Variants in KIF2C observed in about 807,000 individuals in gnomAD.
KIF2C encodes the protein kinesin-like protein KIF2C.
In KIF2C, 34 loss-of-function variants were observed where a neutral mutation model predicts 97.4. The ratio of observed to expected loss-of-function variants is 0.35; its 90% CI spans 0.27 to 0.46. KIF2C has a LOEUF of 0.46. Ranked by LOEUF, KIF2C falls within the 20% of genes least tolerant of loss-of-function variation. KIF2C has a pLI of 1.00. For missense variants in KIF2C, 750 were observed against 907.6 expected, an observed-to-expected ratio of 0.83 and a Z score of 2.23; for synonymous variants, 313 against 318.2, an observed-to-expected ratio of 0.98 and a Z score of 0.17.
At chr1:44,757,820 T>C in intron 11 of KIF2C, 88 bp from the exon 12 acceptor site, 7 of 1,385,050 alleles carry the variant, frequency 5.1e-6, no homozygotes, top group Non-Finnish European at 6.2e-6. Context: ...TCTGGCTTTG[T>C]TGTGGCCCAC....
intron 13 of KIF2C, among the ~76,000 whole-genome samples, chr1:44,758,863 C>T (rs925781430): frequency 1.3e-5 from 2 of 152,070 alleles, no homozygotes; most frequent in Non-Finnish European, 1.5e-5. Flanking sequence ...GCGATACGAG[C>T]GAAACTCCGT....
chr1:44,757,537 T>C lies in KIF2C; in HGVS notation c.978-19T>C, dbSNP rs572818157. 1.3e-6 allele frequency: 2 copies of C among 1,529,206 alleles called. No homozygotes were observed. The highest frequency in any genetic ancestry group is 1.4e-5 in the African/African-American group (1 of 73,220). 94.7% of individuals were successfully genotyped at this position (1,529,206 alleles called of 1,614,324 possible). A position where few individuals can be genotyped will look rare whatever the true frequency, so the allele number is the denominator to read the frequency against. Reference sequence around the variant, plus strand: ...AGCACAGTTTGGGAACAGATACAAATACTCTACCCCTCTTCTAGGTTCACA... The same window carrying C: ...AGCACAGTTTGGGAACAGATACAAACACTCTACCCCTCTTCTAGGTTCACA... On this transcript the variant is annotated intron_variant, in intron 10 of 20. Transcript: ENST00000372224.
At chr1:44,754,659 G>A in intron 7 of KIF2C, 91 bp from the exon 8 acceptor site, 1 of 811,614 alleles carries the variant, frequency 1.2e-6, no homozygotes, top group South Asian at 1.3e-5. Context: ...ATGAAGGGTG[G>A]TGAGCAAAGA....
intron 9 of KIF2C, 40 bp downstream of exon 9, chr1:44,756,023 A>G (rs372447403): frequency 6.2e-7 from 1 of 1,613,922 alleles, no homozygotes; most frequent in Non-Finnish European, 8.5e-7. Flanking sequence ...CAGACTGACT[A>G]ATGGGCCTTC....
In KIF2C at chr1:44,747,613, T is replaced by TA. The variant is rs1649280601; in HGVS notation, c.268-37dup. ...CCCAGGATGGGCCCTTGAGAATTGA[T>TA]AAGAGCCATATATTGTGACAATTTG... On this transcript the variant is annotated intron_variant, in intron 3 of 20. Transcript: ENST00000372224. 2.5e-6 allele frequency: 4 copies of TA among 1,605,954 alleles called. No individual in the cohort carries two copies. In the South Asian group the frequency reaches 3.3e-5, roughly 13 times the overall value.
In KIF2C at chr1:44,759,216, T is replaced by C; in HGVS notation, c.1235T>C (p.Leu412Pro). Residue 412 changes from leucine to proline, a missense_variant, in exon 14 of 21, where the codon CTG becomes CCG. Physicochemically the swap from Leu to Pro is moderately conservative, Grantham distance 98. Coordinates refer to ENST00000372224, the MANE Select transcript of KIF2C (RefSeq NM_006845.4). ...CCCTGCCTGGCACAGCTGTTTGACCTGCTCAACAAGAAGGCCAAGCTGCGC... is the reference window on the plus strand; with the variant it reads ...CCCTGCCTGGCACAGCTGTTTGACCCGCTCAACAAGAAGGCCAAGCTGCGC... ...FEIYNGKLFD[L>P]LNKKAKLRVL... 6.2e-7 allele frequency: 1 copy of C among 1,614,082 alleles called. No homozygotes were observed. Among genetic ancestry groups the C allele is most frequent in the Non-Finnish European group, 8.5e-7 (1 of 1,179,996 alleles).
intron 2 of KIF2C, among the ~76,000 whole-genome samples, chr1:44,742,219 C>G (rs953217967): frequency 1.3e-5 from 2 of 151,684 alleles, no homozygotes; most frequent in Non-Finnish European, 3.0e-5. Context: ...ACGTCATTCT[C>G]CTGCCTCAGC....
chr1:44,757,850 G>A, intron 11 of KIF2C, 58 bp from the exon 12 acceptor site: 1 of 1,545,434 alleles, frequency 6.5e-7, no homozygotes. Context: ...GGAGCCAGTA[G>A]TGCTCTGCTC....
In KIF2C at chr1:44,746,758, TGG is replaced by T; in HGVS notation, c.166-625_166-624del. 1.9e-6 allele frequency: 3 copies of T among 1,609,276 alleles called. No homozygotes were observed. In the South Asian group the frequency reaches 3.3e-5, roughly 18 times the overall value. On this transcript the variant is annotated intron_variant, in intron 2 of 20. Transcript: ENST00000372224. Reference sequence around the variant, plus strand: ...AATCAGAAACCCATATCCATCTAGATGGTAAACCATTATTAAGGAGTAACTAT... The same window carrying T: ...AATCAGAAACCCATATCCATCTAGATTAAACCATTATTAAGGAGTAACTAT...
chr1:44,757,813 G>T, intron 11 of KIF2C, 95 bp from the exon 12 acceptor site: 1 of 1,338,274 alleles, frequency 7.5e-7, no homozygotes, highest in Non-Finnish European at 1.1e-6. Context: ...CCAGCCTTCT[G>T]GCTTTGTTGT....
chr1:44,750,585 C>T, intron 5 of KIF2C, 21 bp downstream of exon 5: 3 of 1,506,254 alleles, frequency 2.0e-6, no homozygotes, highest in Non-Finnish European at 8.9e-7. Flanking sequence ...AATGTGCCCC[C>T]AACCACCATG....
At position 44,762,378 on chromosome 1, in the gene KIF2C, G is replaced by T; in HGVS notation, c.1784G>T (p.Ser595Ile). 1 of 1,614,180 alleles carries T rather than the reference G, an allele frequency of 6.2e-7. No individual in the cohort carries two copies. Among genetic ancestry groups the T allele is most frequent in the Non-Finnish European group, 8.5e-7 (1 of 1,180,014 alleles). The part of the protein sequence containing the change: ...VKELSPHSGP[S>I]GEQLIQMETE... ...GAGCTGAGCCCCCACAGTGGGCCCA[G>T]TGGAGAGCAGTTGATTCAAATGGAA... is the stretch of plus-strand genomic sequence containing the variant. Residue 595 changes from serine (S) to isoleucine (I), a missense_variant, in exon 18 of 21, where the codon AGT becomes ATT. By Grantham distance (142) the Ser-to-Ile change is moderately radical. Coordinates refer to ENST00000372224, the MANE Select transcript of KIF2C (RefSeq NM_006845.4).
chr1:44,740,250 C>A (rs113609275), intron 1 of KIF2C, among the ~76,000 whole-genome samples: 51 of 152,300 alleles, frequency 3.3e-4, no homozygotes, highest in African/African-American at 1.1e-3. Flanking sequence ...GGCTGGTAGA[C>A]CTCCCAGGGA....
Position 44,753,066 on chromosome 1 carries a change from A to G in KIF2C, c.440-66A>G, listed in dbSNP as rs184610325. 1.4e-4 allele frequency: 212 copies of G among 1,549,946 alleles called. 1 individual carries two copies. The highest frequency in any genetic ancestry group is 6.8e-4 in the Admixed American group (37 of 54,348). ...GCTCTCCCGGCCCATAACCAGGGCCATGGGCTCAGGTGAGATGCCTGTGGT... is the reference window on the plus strand; with the variant it reads ...GCTCTCCCGGCCCATAACCAGGGCCGTGGGCTCAGGTGAGATGCCTGTGGT... On this transcript the variant is annotated intron_variant, in intron 5 of 20. Transcript: ENST00000372224.
chr1:44,758,194 A>C (rs1219889686), intron 13 of KIF2C, 54 bp downstream of exon 13: 2 of 1,529,512 alleles, frequency 1.3e-6, no homozygotes, highest in African/African-American at 2.8e-5. Flanking sequence ...ACTTTTTAAA[A>C]CCTTGAAGCT....
In KIF2C at chr1:44,747,474, G is replaced by T. The variant is rs1293479250; in HGVS notation, c.256G>T (p.Val86Leu). 2.5e-6 allele frequency: 4 copies of T among 1,607,902 alleles called. No individual in the cohort carries two copies. Among genetic ancestry groups the T allele is most frequent in the Non-Finnish European group, 2.5e-6 (3 of 1,178,454 alleles). ...PKDNLPLQEN[V>L]TIQKQKRRSV... ...GGACAATCTGCCCTTGCAGGAAAATGTAACAATCCAGGTAGGTGCCTGTCA... is the reference window on the plus strand; with the variant it reads ...GGACAATCTGCCCTTGCAGGAAAATTTAACAATCCAGGTAGGTGCCTGTCA... The change falls in exon 3 of 21, where the codon GTA (valine) becomes TTA (leucine). Residue 86 changes from valine (V) to leucine (L), a missense_variant. Physicochemically the swap from Val to Leu is conservative, Grantham distance 32. Transcript: ENST00000372224.
chr1:44,767,092 T>G lies in KIF2C; in HGVS notation c.2096-5T>G, dbSNP rs1557604449. ...CCCCATATGTACCGCTACCCTTTCT[T>G]CCAGATGTCATCAAGGCCTTGCGCC... On this transcript the variant is annotated splice_region_variant and splice_polypyrimidine_tract_variant and intron_variant, in intron 20 of 20. Coordinates refer to ENST00000372224, the MANE Select transcript of KIF2C (RefSeq NM_006845.4). The G allele has an allele frequency of 6.2e-7, 1 of 1,614,026 alleles. No individual in the cohort carries two copies. The highest frequency in any genetic ancestry group is 1.1e-5 in the South Asian group (1 of 91,040).
chr1:44,747,298 A>G lies in KIF2C; in HGVS notation c.166-86A>G, dbSNP rs1649255150. ...CCTCCAGCCTGGGCGACAGAGCGAT[A>G]CTCTGTCTCAAAAAAAAAAAAAAAG... On this transcript the variant is annotated intron_variant, in intron 2 of 20. Coordinates refer to ENST00000372224, the MANE Select transcript of KIF2C (RefSeq NM_006845.4). 16 of 1,102,056 alleles carry G rather than the reference A, an allele frequency of 1.5e-5. No homozygotes were observed. In the South Asian group the frequency reaches 2.2e-4, roughly 15 times the overall value. 68.3% of individuals were successfully genotyped at this position (1,102,056 alleles called of 1,614,324 possible). A position where few individuals can be genotyped will look rare whatever the true frequency, so the allele number is the denominator to read the frequency against.
chr1:44,750,325 C>A, intron 4 of KIF2C, 117 bp from the exon 5 acceptor site: 3 of 1,119,000 alleles, frequency 2.7e-6, no homozygotes, highest in Non-Finnish European at 2.3e-6. Flanking sequence ...GGGAAGTTGG[C>A]GAGCCCCTTT....
Sources: allele counts gnomAD v4.1 joint callset (sites outside exome capture counted in the v4.1 genomes callset), GRCh38; gene constraint gnomAD v4.1.1; transcripts MANE v1.5; gene names NCBI Gene and HGNC (gene_info 2026-07-23, HGNC 2026-07-21).